Variants in DCLK2 observed in about 807,000 individuals in gnomAD.
The protein encoded by DCLK2 is serine/threonine-protein kinase DCLK2.
Under a neutral mutation model 78.4 loss-of-function variants are expected in DCLK2, and 31 were observed. That is an observed-to-expected ratio of 0.40 (90% CI 0.30 to 0.53). The LOEUF (loss-of-function observed/expected upper bound fraction) is 0.53. Among genes scored for constraint, DCLK2 ranks in the 20% least tolerant of loss-of-function variants. The pLI, the probability that DCLK2 is intolerant of heterozygous loss-of-function variation, is 0.61. For missense variants in DCLK2, 872 were observed against 973.7 expected (o/e 0.90, Z 1.39); for synonymous variants, 407 against 374.9 (o/e 1.09, Z -0.99).
chr4:150,133,156 C>G (rs1733446263), intron 2 of DCLK2, among the ~76,000 whole-genome samples: 1 of 152,116 alleles, frequency 6.6e-6, no homozygotes, highest in African/African-American at 2.4e-5. Flanking sequence ...TGCCCGGGGA[C>G]CATTTTAAAC....
chr4:150,172,591 G>C (rs777037027), intron 2 of DCLK2, among the ~76,000 whole-genome samples: 4 of 115,616 alleles, frequency 3.5e-5, no homozygotes, highest in South Asian at 5.6e-4. Flanking sequence ...TGGGGCAACA[G>C]AGCAAGACTC....
chr4:150,201,718 G>T (rs899577002), intron 4 of DCLK2, among the ~76,000 whole-genome samples: 1 of 152,066 alleles, frequency 6.6e-6, no homozygotes, highest in African/African-American at 2.4e-5. Context: ...ATCAGTGTGG[G>T]ATTGGAATAC....
intron 2 of DCLK2, among the ~76,000 whole-genome samples, chr4:150,119,832 A>G (rs1263088125): frequency 6.6e-6 from 1 of 152,176 alleles, no homozygotes; most frequent in African/African-American, 2.4e-5. Flanking sequence ...GAACTAAAAG[A>G]CCTACCATTT....
At chr4:150,255,969 G>T (rs1744525223) in intron 15 of DCLK2, 51 bp from the exon 16 acceptor site, 2 of 1,590,446 alleles carry the variant, frequency 1.3e-6, no homozygotes, top group Admixed American at 1.7e-5. Context: ...TGGCAGCTGG[G>T]ACCCGAGCCT....
chr4:150,215,365 C>G (rs76368491), intron 5 of DCLK2, among the ~76,000 whole-genome samples: 2,190 of 152,242 alleles, frequency 0.014, 54 homozygotes, highest in African/African-American at 0.05. Flanking sequence ...AAAACTACCC[C>G]CTTCTTCAGA....
chr4:150,184,480 A>G (rs1244921466), intron 2 of DCLK2, among the ~76,000 whole-genome samples: 1 of 152,194 alleles, frequency 6.6e-6, no homozygotes, highest in Non-Finnish European at 1.5e-5. Flanking sequence ...GAGAAATCCA[A>G]CTTGCTTTGA....
rs960406159 is a variant in DCLK2, at chr4:150,256,703, C to T, written c.*456C>T. On this transcript the variant is annotated 3_prime_UTR_variant, in exon 16 of 16. Coordinates refer to ENST00000296550, the MANE Select transcript of DCLK2 (RefSeq NM_001040260.4). The stretch of plus-strand genomic sequence containing the variant: ...TCTCTCTCTCTCTCTTTTTTTTTTA[C>T]GAAAGACTTAGAATTGCATTTGTCC... The T allele has an allele frequency of 1.3e-5, 2 of 154,440 alleles. No homozygotes were observed. The highest frequency in any genetic ancestry group is 2.8e-5 in the Non-Finnish European group (2 of 70,598). 9.6% of individuals were successfully genotyped at this position (154,440 alleles called of 1,614,324 possible).
chr4:150,206,243 A>C (rs138325314), intron 5 of DCLK2, among the ~76,000 whole-genome samples: 42 of 152,260 alleles, frequency 2.8e-4, no homozygotes, highest in South Asian at 1.0e-3. Flanking sequence ...GAATTTTTAA[A>C]ACCTAATAAA....
At chr4:150,101,174 G>T (rs1730865425) in intron 1 of DCLK2, among the ~76,000 whole-genome samples, 1 of 152,152 alleles carries the variant, frequency 6.6e-6, no homozygotes, top group Non-Finnish European at 1.5e-5. Context: ...AGAATCACTT[G>T]AGTCCAGGAG....
intron 1 of DCLK2, among the ~76,000 whole-genome samples, chr4:150,096,137 G>C (rs1039955366): frequency 6.6e-6 from 1 of 152,190 alleles, no homozygotes; most frequent in Non-Finnish European, 1.5e-5. Context: ...GAGAAGGCAG[G>C]GTAGAAGGAG....
intron 2 of DCLK2, among the ~76,000 whole-genome samples, chr4:150,138,793 A>G (rs140747336): frequency 0.024 from 3,694 of 152,044 alleles, 118 homozygotes; most frequent in African/African-American, 0.08. Context: ...CAGCCTCCTG[A>G]GTAGCGGGAC....
At chr4:150,160,694 T>C in intron 2 of DCLK2, among the ~76,000 whole-genome samples, 1 of 152,224 alleles carries the variant, frequency 6.6e-6, no homozygotes, top group East Asian at 1.9e-4. Context: ...AAGGCACTAA[T>C]TGGGTAGACT....
chr4:150,256,373 C>T lies in DCLK2; in HGVS notation c.*126C>T, dbSNP rs985995605. The T allele has an allele frequency of 4.0e-5, 52 of 1,302,860 alleles. 1 individual carries two copies. The South Asian group carries it at 5.5e-4, about 14-fold the overall frequency. 80.7% of individuals were successfully genotyped at this position (1,302,860 alleles called of 1,614,324 possible). On this transcript the variant is annotated 3_prime_UTR_variant, in exon 16 of 16. Transcript: ENST00000296550. ...CCTGCGCCTGAGTTCGCGGGTCCTC[C>T]GCAGGCCGCCTGGGAACCGGAGCCT...
At chr4:150,251,399 C>T (rs540825121) in intron 15 of DCLK2, among the ~76,000 whole-genome samples, 1 of 5,034 alleles carries the variant, frequency 2.0e-4, no homozygotes, top group Non-Finnish European at 3.5e-4. Flanking sequence ...ACACCTCACA[C>T]CCCCCACACC....
intron 3 of DCLK2, among the ~76,000 whole-genome samples, chr4:150,194,949 T>C (rs1738753737): frequency 6.6e-6 from 1 of 150,670 alleles, no homozygotes; most frequent in Non-Finnish European, 1.5e-5. Flanking sequence ...TCTACTCTTT[T>C]TGTTTTTCTG....
chr4:150,098,698 C>CTTTTTTTT (rs59616581), intron 1 of DCLK2, among the ~76,000 whole-genome samples: 2 of 129,106 alleles, frequency 1.5e-5, no homozygotes, highest in Non-Finnish European at 3.2e-5. Flanking sequence ...TTTTCTTTTT[C>CTTTTTTTT]TTTTTTTTTT....
chr4:150,160,141 A>C (rs991226319), intron 2 of DCLK2, among the ~76,000 whole-genome samples: 3 of 151,948 alleles, frequency 2.0e-5, no homozygotes, highest in Non-Finnish European at 2.9e-5. Flanking sequence ...CAGCCTCTTT[A>C]AGTAGCTGGG....
At chr4:150,204,496 G>T (rs1478880613) in intron 5 of DCLK2, among the ~76,000 whole-genome samples, 1 of 152,238 alleles carries the variant, frequency 6.6e-6, no homozygotes, top group East Asian at 1.9e-4. Flanking sequence ...AACCAATTTT[G>T]CAAAATTTCA....
At chr4:150,120,396 A>T (rs1732435794) in intron 2 of DCLK2, among the ~76,000 whole-genome samples, 3 of 152,230 alleles carry the variant, frequency 2.0e-5, no homozygotes, top group African/African-American at 7.2e-5. Flanking sequence ...TAGTTGGAGG[A>T]AGTGCTTACT....
Sources: allele counts gnomAD v4.1 joint callset (sites outside exome capture counted in the v4.1 genomes callset), GRCh38; gene constraint gnomAD v4.1.1; transcripts MANE v1.5; gene names NCBI Gene and HGNC (gene_info 2026-07-23, HGNC 2026-07-21).